BMPER: variants seen among roughly 807,000 people sequenced by gnomAD.
BMPER encodes BMP-binding endothelial regulator protein.
A neutral mutation model predicts 87.3 loss-of-function variants in BMPER; 45 were observed. The observed-to-expected ratio is 0.52, with a 90% CI of 0.41 to 0.66. The LOEUF is 0.66. Ranked by LOEUF, BMPER falls within the 30% of genes least tolerant of loss-of-function variation. The pLI, the probability that BMPER is intolerant of heterozygous loss-of-function variation, is 0.00. For missense variants in BMPER, 784 were observed against 867.5 expected, an observed-to-expected ratio of 0.90 and a Z score of 1.21; for synonymous variants, 326 against 316.2, an observed-to-expected ratio of 1.03 and a Z score of -0.33.
At chr7:33,956,409 A>C (rs552584498) in intron 3 of BMPER, among the ~76,000 whole-genome samples, 1 of 152,342 alleles carries the variant, frequency 6.6e-6, no homozygotes, top group East Asian at 1.9e-4. Flanking sequence ...TGCAGTTAAA[A>C]CTACAATAAA....
chr7:34,102,753 T>C (rs1332226049), intron 13 of BMPER, among the ~76,000 whole-genome samples: 1 of 152,190 alleles, frequency 6.6e-6, no homozygotes, highest in East Asian at 1.9e-4. Flanking sequence ...GGACACATTA[T>C]GATCAGGGCT....
intron 2 of BMPER, among the ~76,000 whole-genome samples, chr7:33,933,288 A>C (rs1273238585): frequency 6.6e-6 from 1 of 152,176 alleles, no homozygotes; most frequent in Non-Finnish European, 1.5e-5. Context: ...ATGTTAAAGA[A>C]TCGGTTAACT....
chr7:34,011,273 A>C (rs1786866884), intron 6 of BMPER, among the ~76,000 whole-genome samples: 1 of 151,802 alleles, frequency 6.6e-6, no homozygotes, highest in South Asian at 2.1e-4. Context: ...GTGAGGCCCG[A>C]GATTCTGTAT....
intron 6 of BMPER, among the ~76,000 whole-genome samples, chr7:34,033,064 G>A (rs948987298): frequency 8.5e-5 from 13 of 152,124 alleles, no homozygotes; most frequent in African/African-American, 3.1e-4. Context: ...TCCACACAAT[G>A]CATTTTAGGC....
chr7:33,918,370 T>G (rs73693048), intron 2 of BMPER, among the ~76,000 whole-genome samples: 3,085 of 152,294 alleles, frequency 0.02, 103 homozygotes, highest in African/African-American at 0.071. Flanking sequence ...TTGCTCCCCC[T>G]TTGCTCAGAG....
chr7:34,009,146 C>A (rs568804085), intron 6 of BMPER, among the ~76,000 whole-genome samples: 24 of 151,772 alleles, frequency 1.6e-4, no homozygotes, highest in Non-Finnish European at 2.8e-4. Flanking sequence ...TTTAGATGAT[C>A]CTTCTACTTC....
In BMPER at chr7:33,989,494, C is replaced by A. The variant is rs777682602; in HGVS notation, c.576+14710C>A. ...TTTTTCTTGTAAATTTGTTTGAGTT[C>A]ATTGTAGATTCTGGATATTAGCCCT... On this transcript the variant is annotated intron_variant, in intron 6 of 14. Transcript: ENST00000649409. Among the ~76,000 whole-genome samples, 676 of 152,182 alleles carry A rather than the reference C, an allele frequency of 4.4e-3. 4 individuals carry two copies. The highest frequency in any genetic ancestry group is 6.3e-3 in the Non-Finnish European group (430 of 67,998).
chr7:33,978,508 G>A (rs1159839796), intron 6 of BMPER, among the ~76,000 whole-genome samples: 1 of 152,130 alleles, frequency 6.6e-6, no homozygotes. Context: ...CTGAAGGAGT[G>A]AGAGAACTGA....
At chr7:34,121,334 G>T (rs1021046383) in intron 13 of BMPER, among the ~76,000 whole-genome samples, 2 of 152,168 alleles carry the variant, frequency 1.3e-5, no homozygotes, top group African/African-American at 4.8e-5. Flanking sequence ...AAAAGCTTAA[G>T]TTACTTGCCA....
intron 13 of BMPER, among the ~76,000 whole-genome samples, chr7:34,116,376 G>T (rs1790118832): frequency 6.6e-6 from 1 of 152,044 alleles, no homozygotes; most frequent in Non-Finnish European, 1.5e-5. Flanking sequence ...CCTTTCCTCT[G>T]CCTTATTCAG....
intron 6 of BMPER, chr7:34,042,870 A>G (rs1304543327): frequency 1.3e-5 from 2 of 152,208 alleles, no homozygotes; most frequent in Admixed American, 6.5e-5. Context: ...GCCAAAAATT[A>G]TGTATTTGTG....
intron 3 of BMPER, among the ~76,000 whole-genome samples, chr7:33,961,641 C>T (rs146508338): frequency 8.1e-4 from 123 of 152,242 alleles, no homozygotes; most frequent in African/African-American, 2.8e-3. Context: ...AAGGAAAGCC[C>T]GGTCAGCCCT....
At chr7:33,925,865 A>G (rs1407834789) in intron 2 of BMPER, among the ~76,000 whole-genome samples, 6 of 152,208 alleles carry the variant, frequency 3.9e-5, no homozygotes, top group Non-Finnish European at 7.3e-5. Flanking sequence ...AGATAATTGT[A>G]TAACAGAACT....
intron 12 of BMPER, 137 bp from the exon 13 acceptor site, chr7:34,085,619 C>A: frequency 1.2e-6 from 1 of 815,748 alleles, no homozygotes; most frequent in Non-Finnish European, 2.1e-6. Flanking sequence ...TAAGAGGTAA[C>A]CAAGAATTTG....
chr7:33,937,606 A>T (rs2128609400), intron 3 of BMPER: 2 of 567,334 alleles, frequency 3.5e-6, no homozygotes, highest in East Asian at 6.0e-5. Context: ...AGGAGGGATG[A>T]AAGTATGTGA....
At chr7:33,959,613 G>A (rs1203651309) in intron 3 of BMPER, among the ~76,000 whole-genome samples, 1 of 152,188 alleles carries the variant, frequency 6.6e-6, no homozygotes, top group Non-Finnish European at 1.5e-5. Flanking sequence ...GCAAATGCAA[G>A]AATGGTGGGT....
upstream of BMPER, chr7:33,905,483 G>A (rs1049722642): frequency 1.0e-6 from 1 of 1,001,316 alleles, no homozygotes; most frequent in East Asian, 5.8e-5. Context: ...GCTCTCGGGC[G>A]CCCGCCTCCC....
At chr7:34,083,239 GC>G (rs1429972649) in intron 12 of BMPER, among the ~76,000 whole-genome samples, 1 of 152,194 alleles carries the variant, frequency 6.6e-6, no homozygotes, top group Non-Finnish European at 1.5e-5. Flanking sequence ...AGTTGTAGTT[GC>G]CAGAGTTGAC....
At chr7:34,045,534 C>G (rs1019183560) in intron 6 of BMPER, among the ~76,000 whole-genome samples, 4 of 152,048 alleles carry the variant, frequency 2.6e-5, no homozygotes, top group African/African-American at 2.4e-5. Flanking sequence ...AATGAGGGGG[C>G]AGGGAAAATA....
Sources: gnomAD v4.1 joint callset for allele counts (sites outside exome capture counted in the v4.1 genomes callset) on GRCh38, gnomAD v4.1.1 for gene constraint, MANE v1.5 for transcripts, NCBI Gene and HGNC (gene_info 2026-07-23, HGNC 2026-07-21) for gene names.